ALOX5: variants seen among roughly 807,000 people sequenced by gnomAD.
ALOX5 encodes polyunsaturated fatty acid 5-lipoxygenase.
ALOX5 carries 64 observed loss-of-function variants against 87.9 expected under a neutral mutation model. That is an observed-to-expected ratio of 0.73 (90% CI 0.60 to 0.90). The LOEUF (loss-of-function observed/expected upper bound fraction) is 0.90, where lower values mean the gene tolerates loss of function less well. Among genes scored for constraint, ALOX5 ranks in the 40% least tolerant of loss-of-function variants. The probability of loss-of-function intolerance (pLI) is 0.00; values close to 1 mark genes in which losing one functional copy is unlikely to be tolerated. For missense variants in ALOX5, 822 were observed against 907.5 expected (o/e 0.91, Z 1.21); for synonymous variants, 388 against 355.1 (o/e 1.09, Z -1.04).
intron 2 of ALOX5, among the ~76,000 whole-genome samples, chr10:45,392,689 C>G (rs978724169): frequency 1.3e-5 from 2 of 150,904 alleles, no homozygotes; most frequent in African/African-American, 4.9e-5. Context: ...GCGAGAAACA[C>G]CCAAGAATGA....
chr10:45,419,142 G>C (rs1160338228), intron 4 of ALOX5, among the ~76,000 whole-genome samples: 1 of 152,252 alleles, frequency 6.6e-6, no homozygotes, highest in African/African-American at 2.4e-5. Flanking sequence ...AGTTTCCCAC[G>C]TCCAGGGACA....
intron 2 of ALOX5, among the ~76,000 whole-genome samples, chr10:45,384,089 C>T (rs188975779): frequency 5.9e-5 from 9 of 152,164 alleles, no homozygotes; most frequent in Middle Eastern, 3.4e-3. Context: ...ATGCAGAGTG[C>T]GGGGCCATCA....
At chr10:45,411,692 C>T (rs1041397252) in intron 3 of ALOX5, among the ~76,000 whole-genome samples, 9 of 152,214 alleles carry the variant, frequency 5.9e-5, no homozygotes, top group Admixed American at 2.6e-4. Context: ...GCTGCCGTGT[C>T]GTCCTATTGT....
chr10:45,428,535 C>G, intron 6 of ALOX5, 83 bp from the exon 7 acceptor site: 2 of 1,553,368 alleles, frequency 1.3e-6, no homozygotes, highest in East Asian at 2.2e-5. Flanking sequence ...GAGGGGTGCC[C>G]AGAGGTCATC....
At chr10:45,438,474 C>T (rs2132847125) in intron 7 of ALOX5, among the ~76,000 whole-genome samples, 1 of 152,216 alleles carries the variant, frequency 6.6e-6, no homozygotes, top group South Asian at 2.1e-4. Context: ...GGCTCCTCGG[C>T]CCCAGAGGAT....
intron 7 of ALOX5, 149 bp downstream of exon 7, chr10:45,428,913 G>A: frequency 2.8e-6 from 3 of 1,076,382 alleles, no homozygotes; most frequent in Non-Finnish European, 3.9e-6. Flanking sequence ...CTGTCCATAG[G>A]GGCGGAGAGG....
At chr10:45,421,092 G>T (rs536962540) in intron 4 of ALOX5, among the ~76,000 whole-genome samples, 28 of 152,362 alleles carry the variant, frequency 1.8e-4, no homozygotes, top group African/African-American at 6.5e-4. Context: ...AAAAAGCCTG[G>T]TGCCCTCTCT....
rs116325983 is a variant in ALOX5 at position 45,416,438 on chromosome 10, C to T, written c.554+4125C>T. Reference sequence around the variant, plus strand: ...ATCCACCATCTCCCTGGAAACATCACGGCAGTTAGGGGCTCACTTCCCTTC... The same window carrying T: ...ATCCACCATCTCCCTGGAAACATCATGGCAGTTAGGGGCTCACTTCCCTTC... On this transcript the variant is annotated intron_variant, in intron 4 of 13. Coordinates refer to ENST00000374391, the MANE Select transcript of ALOX5 (RefSeq NM_000698.5). Among the ~76,000 whole-genome samples, 215 of 152,274 alleles carry T rather than the reference C, an allele frequency of 1.4e-3. 1 individual carries two copies. Among genetic ancestry groups the T allele is most frequent in the African/African-American group, 2.3e-3 (95 of 41,560 alleles).
intron 3 of ALOX5, among the ~76,000 whole-genome samples, chr10:45,406,238 G>A (rs1435672171): frequency 6.6e-6 from 1 of 152,144 alleles, no homozygotes; most frequent in East Asian, 1.9e-4. Context: ...ATAGTAGTAG[G>A]CACATAGAAA....
At chr10:45,439,336 C>T (rs1022519476) in intron 7 of ALOX5, among the ~76,000 whole-genome samples, 3 of 152,170 alleles carry the variant, frequency 2.0e-5, no homozygotes, top group Non-Finnish European at 2.9e-5. Flanking sequence ...TGGGACAGTT[C>T]TCCCTCCCCA....
chr10:45,419,020 G>A (rs573542924), intron 4 of ALOX5, among the ~76,000 whole-genome samples: 2 of 152,360 alleles, frequency 1.3e-5, no homozygotes, highest in South Asian at 2.1e-4. Context: ...GCTCCGGGAA[G>A]GGTGGCGGAT....
At chr10:45,407,919 G>T (rs11239520) in intron 3 of ALOX5, among the ~76,000 whole-genome samples, 6 of 152,074 alleles carry the variant, frequency 3.9e-5, no homozygotes, top group Admixed American at 6.6e-5. Flanking sequence ...GAACCAAAAG[G>T]GGGAGGCAGG....
At chr10:45,420,430 G>A (rs1841460727) in intron 4 of ALOX5, among the ~76,000 whole-genome samples, 2 of 152,246 alleles carry the variant, frequency 1.3e-5, no homozygotes, top group Admixed American at 6.5e-5. Flanking sequence ...GATTTGTTCT[G>A]TAGTCAAATT....
chr10:45,439,899 C>T (rs1337062216), intron 7 of ALOX5, among the ~76,000 whole-genome samples: 2 of 152,122 alleles, frequency 1.3e-5, no homozygotes, highest in Non-Finnish European at 2.9e-5. Flanking sequence ...CTGGGAGGCT[C>T]AGTACCAGGA....
chr10:45,404,624 C>T (rs1840813988), intron 3 of ALOX5, among the ~76,000 whole-genome samples: 1 of 152,238 alleles, frequency 6.6e-6, no homozygotes, highest in Admixed American at 6.5e-5. Flanking sequence ...ATGCAGTTAA[C>T]TTCTTCATGG....
intron 4 of ALOX5, among the ~76,000 whole-genome samples, chr10:45,419,307 G>A (rs900132823): frequency 1.3e-5 from 1 of 79,720 alleles, no homozygotes; most frequent in Non-Finnish European, 2.6e-5. Context: ...CACCCGGCCG[G>A]GGGGGTCATT....
At chr10:45,382,417 C>T (rs1839862685) in intron 1 of ALOX5, 66 bp from the exon 2 acceptor site, 1 of 1,579,416 alleles carries the variant, frequency 6.3e-7, no homozygotes, top group Admixed American at 1.7e-5. Context: ...GTGACAAATT[C>T]TTAACACCTC....
At chr10:45,407,098 C>G (rs545021617) in intron 3 of ALOX5, among the ~76,000 whole-genome samples, 1 of 152,188 alleles carries the variant, frequency 6.6e-6, no homozygotes, top group Non-Finnish European at 1.5e-5. Context: ...CGTCCTGTCC[C>G]CCTACCCATC....
chr10:45,379,642 C>G (rs1839760263), intron 1 of ALOX5, among the ~76,000 whole-genome samples: 2 of 152,232 alleles, frequency 1.3e-5, no homozygotes. Flanking sequence ...CTGCAACCCC[C>G]TGGATTCAGG....
Sources: allele counts gnomAD v4.1 joint callset (sites outside exome capture counted in the v4.1 genomes callset), GRCh38; gene constraint gnomAD v4.1.1; transcripts MANE v1.5; gene names NCBI Gene and HGNC (gene_info 2026-07-23, HGNC 2026-07-21).